Variants in TTLL11 observed in about 807,000 individuals in gnomAD.
TTLL11 encodes tubulin polyglutamylase TTLL11.
Under a neutral mutation model 51.7 loss-of-function variants are expected in TTLL11, and 42 were observed. The observed-to-expected ratio is 0.81, with a 90% CI of 0.64 to 1.05. TTLL11 has a LOEUF of 1.05. TTLL11 is among the 50% of genes least tolerant of loss of function. TTLL11 has a pLI of 0.00. For missense variants in TTLL11, 799 were observed against 940.4 expected (o/e 0.85, Z 1.97); for synonymous variants, 381 against 383.5 (o/e 0.99, Z 0.08).
At chr9:121,832,314 T>C (rs933648816) in intron 8 of TTLL11, among the ~76,000 whole-genome samples, 5 of 152,162 alleles carry the variant, frequency 3.3e-5, no homozygotes, top group African/African-American at 1.2e-4. Flanking sequence ...TAAGCAATCC[T>C]ACACTTCTTC....
At chr9:122,053,597 C>T (rs545683386) in intron 1 of TTLL11, among the ~76,000 whole-genome samples, 16 of 152,034 alleles carry the variant, frequency 1.1e-4, no homozygotes, top group Non-Finnish European at 1.9e-4. Context: ...AGACTGAGAG[C>T]AGCCAGGACC....
At chr9:121,884,975 G>GA (rs1484858983) in intron 6 of TTLL11, 15 of 152,194 alleles carry the variant, frequency 9.9e-5, no homozygotes, top group Admixed American at 5.2e-4. Context: ...ACAAACCCAT[G>GA]AGTACCCACT....
At chr9:121,899,345 GTGTGTGTGTA>G (rs1357133784) in intron 6 of TTLL11, among the ~76,000 whole-genome samples, 1 of 113,950 alleles carries the variant, frequency 8.8e-6, no homozygotes, top group African/African-American at 3.1e-5. Flanking sequence ...TTCACTCTGT[GTGTGTGTGTA>G]TGTGTGTGTG....
At chr9:121,837,127 T>C (rs1837202396) in intron 8 of TTLL11, among the ~76,000 whole-genome samples, 1 of 152,218 alleles carries the variant, frequency 6.6e-6, no homozygotes, top group Non-Finnish European at 1.5e-5. Flanking sequence ...CTGTATAGAA[T>C]TCCATAGTAT....
In TTLL11 at chr9:121,989,484, T is replaced by A. The variant is rs1256340349; in HGVS notation, c.980A>T (p.Tyr327Phe). Residue 327 changes from tyrosine (Y) to phenylalanine (F), a missense_variant, in exon 4 of 9, where the codon TAT becomes TTT. By Grantham distance (22) the Tyr-to-Phe change is conservative. Coordinates refer to ENST00000321582, the MANE Select transcript of TTLL11 (RefSeq NM_001139442.2). The surrounding 1 kb of genome is among the most constrained non-coding windows in gnomAD (Gnocchi z 4.2). ...CAGGTTTTTGGGGGTGGGCTCCTGA[T>A]ATGGCTCGGTACAAAACCTAGAGAG... ...DGLSRFCTEP[Y>F]QEPTPKNLHR... 1 of 1,614,148 alleles carries A rather than the reference T, an allele frequency of 6.2e-7. No individual in the cohort carries two copies. Among genetic ancestry groups the A allele is most frequent in the Admixed American group, 1.7e-5 (1 of 60,026 alleles).
intron 1 of TTLL11, among the ~76,000 whole-genome samples, chr9:122,082,991 G>A (rs1399053485): frequency 4.6e-5 from 7 of 152,146 alleles, no homozygotes; most frequent in East Asian, 3.9e-4. Flanking sequence ...CCGAGATTGC[G>A]CCACTATACT....
At chr9:121,996,091 T>C (rs1218299279) in intron 3 of TTLL11, among the ~76,000 whole-genome samples, 1 of 152,188 alleles carries the variant, frequency 6.6e-6, no homozygotes, top group Non-Finnish European at 1.5e-5. Context: ...GTGGCATCGA[T>C]TACCCCTGAG....
intron 3 of TTLL11, among the ~76,000 whole-genome samples, chr9:121,994,744 T>C (rs1843206060): frequency 6.6e-6 from 1 of 152,206 alleles, no homozygotes; most frequent in Admixed American, 6.5e-5. Context: ...CTGAAAGGTT[T>C]TGAGAAGAAA....
intron 1 of TTLL11, among the ~76,000 whole-genome samples, chr9:122,063,117 T>C (rs991908693): frequency 5.9e-5 from 9 of 152,208 alleles, no homozygotes; most frequent in African/African-American, 2.2e-4. Flanking sequence ...ATTGCTCCTT[T>C]GCCCGAATTT....
rs1840359713 is a variant in TTLL11 at position 121,917,295 on chromosome 9, T to G, written c.1482-46547A>C. Among the ~76,000 whole-genome samples the G allele has an allele frequency of 2.0e-5, 3 of 150,706 alleles. No individual in the cohort carries two copies. The South Asian group carries it at 6.3e-4, about 32-fold the overall frequency. On this transcript the variant is annotated intron_variant, in intron 6 of 8. Transcript: ENST00000321582. ...ACCGCCTAGGCAATATAGCAAGATC[T>G]TATCTCTATAAAAAAAAAAAATGAA...
intron 3 of TTLL11, among the ~76,000 whole-genome samples, chr9:122,006,340 C>CA (rs5900505): frequency 0.031 from 4,263 of 138,874 alleles, 87 homozygotes; most frequent in Non-Finnish European, 0.044. Context: ...GAGACTATCT[C>CA]AAAAAAAAAA....
At chr9:121,952,189 G>A (rs867595026) in intron 6 of TTLL11, among the ~76,000 whole-genome samples, 1 of 152,132 alleles carries the variant, frequency 6.6e-6, no homozygotes, top group African/African-American at 2.4e-5. Context: ...GCTCATGCCT[G>A]TAATCCCAGC....
intron 1 of TTLL11, among the ~76,000 whole-genome samples, chr9:122,086,337 T>C (rs181789934): frequency 6.6e-6 from 1 of 152,320 alleles, no homozygotes; most frequent in African/African-American, 2.4e-5. Context: ...CAAGTTTAAC[T>C]TGCAAAGGAA....
chr9:121,958,468 G>A (rs1306582654), intron 6 of TTLL11, among the ~76,000 whole-genome samples: 3 of 152,032 alleles, frequency 2.0e-5, no homozygotes, highest in African/African-American at 7.2e-5. Context: ...AACACCCTTA[G>A]CACCTCCACC....
intron 6 of TTLL11, among the ~76,000 whole-genome samples, chr9:121,962,799 A>C (rs1842277139): frequency 6.6e-6 from 1 of 152,238 alleles, no homozygotes; most frequent in African/African-American, 2.4e-5. Context: ...TATTGAAAAT[A>C]AAGTCACCGC....
chr9:122,007,503 GA>G (rs995645970), intron 3 of TTLL11, among the ~76,000 whole-genome samples: 15 of 140,494 alleles, frequency 1.1e-4, no homozygotes, highest in Admixed American at 2.9e-4. Context: ...AAAAAGAAAA[GA>G]AAAAAAAAAG....
At chr9:122,017,196 CCT>C (rs1255169584) in intron 3 of TTLL11, among the ~76,000 whole-genome samples, 1 of 152,166 alleles carries the variant, frequency 6.6e-6, no homozygotes, top group African/African-American at 2.4e-5. Context: ...CATGCACACA[CCT>C]CTGAGACCTC....
At chr9:121,980,447 A>G (rs903452630) in intron 4 of TTLL11, among the ~76,000 whole-genome samples, 8 of 152,252 alleles carry the variant, frequency 5.3e-5, no homozygotes, top group Admixed American at 2.6e-4. Flanking sequence ...AGCTCTGATT[A>G]TAGTAATGTC....
intron 3 of TTLL11, among the ~76,000 whole-genome samples, chr9:122,011,178 G>A (rs539712213): frequency 3.9e-5 from 6 of 152,276 alleles, no homozygotes; most frequent in African/African-American, 1.2e-4. Flanking sequence ...CTGCCACCAT[G>A]TAAGATGTAC....
Sources: allele counts gnomAD v4.1 joint callset (sites outside exome capture counted in the v4.1 genomes callset), GRCh38; gene constraint gnomAD v4.1.1; non-coding constraint Gnocchi (gnomAD v3.1); transcripts MANE v1.5; gene names NCBI Gene and HGNC (gene_info 2026-07-23, HGNC 2026-07-21).